Variants in HIPK2 observed in about 807,000 individuals in gnomAD.
The protein encoded by HIPK2 is homeodomain interacting protein kinase 2, also known as homeodomain-interacting protein kinase 2.
A neutral mutation model predicts 113.7 loss-of-function variants in HIPK2; 27 were observed. The observed-to-expected ratio is 0.24, with a 90% CI of 0.17 to 0.33. HIPK2 has a LOEUF of 0.33. HIPK2 is among the 10% of genes least tolerant of loss of function. The pLI, the probability that HIPK2 is intolerant of heterozygous loss-of-function variation, is 1.00. For synonymous variants in HIPK2, 631 were observed against 642.2 expected, an observed-to-expected ratio of 0.98 and a Z score of 0.26; for missense variants, 1,257 against 1,588.0, an observed-to-expected ratio of 0.79 and a Z score of 3.54.
intron 2 of HIPK2, among the ~76,000 whole-genome samples, chr7:139,682,279 T>C (rs1375895865): frequency 6.6e-6 from 1 of 152,136 alleles, no homozygotes; most frequent in African/African-American, 2.4e-5. Flanking sequence ...AAACATCCAC[T>C]GAGAGCCCAT....
intron 12 of HIPK2, among the ~76,000 whole-genome samples, chr7:139,589,362 C>T (rs1292245790): frequency 6.6e-6 from 1 of 151,102 alleles, no homozygotes; most frequent in East Asian, 1.9e-4. Context: ...TCTTGCTGAT[C>T]ATATCTTCCT....
At chr7:139,627,335 T>TATGTATGTATGC (rs1554432124) in intron 5 of HIPK2, among the ~76,000 whole-genome samples, 6 of 151,256 alleles carry the variant, frequency 4.0e-5, no homozygotes, top group South Asian at 2.1e-4. Context: ...TGTATGTATG[T>TATGTATGTATGC]ATGCATGTAT....
At chr7:139,677,280 CAT>C (rs1491053199) in intron 2 of HIPK2, among the ~76,000 whole-genome samples, 1 of 141,948 alleles carries the variant, frequency 7.0e-6, no homozygotes, top group East Asian at 2.0e-4. Context: ...CACACACACA[CAT>C]ATATACACAT....
chr7:139,597,563 C>T (rs1236953884), intron 11 of HIPK2, among the ~76,000 whole-genome samples: 1 of 152,160 alleles, frequency 6.6e-6, no homozygotes, highest in African/African-American at 2.4e-5. Context: ...TTCCTTCTTT[C>T]CTCCTCTGGA....
Position 139,714,987 on chromosome 7 carries a change from G to A in HIPK2, c.1103+945C>T, listed in dbSNP as rs1795179336. Among the ~76,000 whole-genome samples the A allele has an allele frequency of 6.6e-6, 1 of 152,180 alleles. No individual in the cohort carries two copies. The highest frequency in any genetic ancestry group is 2.1e-4 in the South Asian group (1 of 4,830). ...AGGAAATGAAGGCATGGAGAAATCA[G>A]GCCATTAGGAGAGGAGGGACCAGGT... On this transcript the variant is annotated intron_variant, in intron 2 of 14. Coordinates refer to ENST00000406875, the MANE Select transcript of HIPK2 (RefSeq NM_022740.5). The surrounding 1 kb of genome is among the most constrained non-coding windows in gnomAD (Gnocchi z 4.2).
At chr7:139,700,029 G>A (rs1419885927) in intron 2 of HIPK2, among the ~76,000 whole-genome samples, 4 of 152,208 alleles carry the variant, frequency 2.6e-5, no homozygotes, top group African/African-American at 7.2e-5. Context: ...GCAGATATAC[G>A]ACGTCTGTGC....
rs111559786 is a variant in HIPK2, at chr7:139,630,439, C to G, written c.1347+726G>C. ...TTGAGACACAGTCTCACTCTGTCGCCCAGGCTGGAGTGCAGTGGCACAATC... is the reference window on the plus strand; with the variant it reads ...TTGAGACACAGTCTCACTCTGTCGCGCAGGCTGGAGTGCAGTGGCACAATC... On this transcript the variant is annotated intron_variant, in intron 4 of 14. Coordinates refer to ENST00000406875, the MANE Select transcript of HIPK2 (RefSeq NM_022740.5). The surrounding 1 kb of genome is among the most constrained non-coding windows in gnomAD (Gnocchi z 4.0). Among the ~76,000 whole-genome samples, 2,394 of 152,324 alleles carry G rather than the reference C, an allele frequency of 0.016. 19 individuals carry two copies. The highest frequency in any genetic ancestry group is 0.041 in the Middle Eastern group (12 of 294).
At chr7:139,643,682 T>C (rs1472606632) in intron 2 of HIPK2, among the ~76,000 whole-genome samples, 1 of 152,062 alleles carries the variant, frequency 6.6e-6, no homozygotes, top group East Asian at 1.9e-4. Context: ...ACCTAAACGA[T>C]ATTGACTTGA....
rs2116397129 is a variant in HIPK2 at position 139,566,451 on chromosome 7, G to A, written c.*6476C>T. 6.6e-6 allele frequency: 1 copy of A among 152,332 alleles called. No individual in the cohort carries two copies. The highest frequency in any genetic ancestry group is 6.5e-5 in the Admixed American group (1 of 15,308). 9.4% of individuals were successfully genotyped at this position (152,332 alleles called of 1,614,324 possible). A position where few individuals can be genotyped will look rare whatever the true frequency, so the allele number is the denominator to read the frequency against. The stretch of plus-strand genomic sequence containing the variant: ...ACAGTGTGTGGCATGCAGGAAGCGG[G>A]AGTATCACTAAATGGTTCATAGAAA... On this transcript the variant is annotated 3_prime_UTR_variant, in exon 15 of 15. Coordinates refer to ENST00000406875, the MANE Select transcript of HIPK2 (RefSeq NM_022740.5). This position sits in a 1 kb window ranked among gnomAD's most constrained non-coding sequence, Gnocchi z 4.1.
intron 1 of HIPK2, among the ~76,000 whole-genome samples, chr7:139,739,814 T>A (rs1030329437): frequency 1.3e-5 from 2 of 152,220 alleles, no homozygotes; most frequent in African/African-American, 4.8e-5. Context: ...TCACACAATA[T>A]GTATATGTCC....
chr7:139,759,204 A>G (rs1157145633), intron 1 of HIPK2, among the ~76,000 whole-genome samples: 1 of 152,258 alleles, frequency 6.6e-6, no homozygotes, highest in African/African-American at 2.4e-5. Flanking sequence ...AACCTTACTT[A>G]TAATAACAGA....
rs542772413 is a variant in HIPK2 at position 139,630,548 on chromosome 7, C to T, written c.1347+617G>A. ...GAGTAGGTGGGATTACAGGAGCATG[C>T]CACCACGCCCAGCTAATTTTTATAC... On this transcript the variant is annotated intron_variant, in intron 4 of 14. Transcript: ENST00000406875. The surrounding 1 kb of genome is among the most constrained non-coding windows in gnomAD (Gnocchi z 4.0). 4.7e-4 allele frequency among the ~76,000 whole-genome samples: 72 copies of T among 152,332 alleles called. No homozygotes were observed. Among genetic ancestry groups the T allele is most frequent in the Admixed American group, 2.2e-3 (34 of 15,302 alleles).
intron 2 of HIPK2, 103 bp downstream of exon 2, chr7:139,715,829 T>C (rs1370730310): frequency 6.9e-7 from 1 of 1,459,638 alleles, no homozygotes; most frequent in Non-Finnish European, 9.2e-7. Context: ...AGGCAGGAAC[T>C]GTAGACATAT....
rs372950682 is a variant in HIPK2 at position 139,626,718 on chromosome 7, A to G, written c.1502T>C (p.Ile501Thr). 9.3e-6 allele frequency: 15 copies of G among 1,613,812 alleles called. 1 individual carries two copies. The South Asian group carries it at 1.5e-4, about 17-fold the overall frequency. The change falls in exon 6 of 15, where the codon ATT becomes ACT. Residue 501 changes from isoleucine (I) to threonine (T), a missense_variant. Ile to Thr is a moderately conservative substitution (Grantham distance 89). Coordinates refer to ENST00000406875, the MANE Select transcript of HIPK2 (RefSeq NM_022740.5). ...LVEKADRREF[I>T]DLLKKMLTID... is the part of the protein sequence containing the mutation. ...GGTCAGCATCTTCTTCAACAGGTCA[A>G]TGAACTCCCGCCGGTCAGCCTTTTC...
chr7:139,582,847 C>A (rs1299177427), intron 13 of HIPK2, among the ~76,000 whole-genome samples: 1 of 152,160 alleles, frequency 6.6e-6, no homozygotes, highest in Non-Finnish European at 1.5e-5. Context: ...GCCCTAATGA[C>A]CCCATCCTGC....
chr7:139,724,966 A>G (rs1023241750), intron 1 of HIPK2, among the ~76,000 whole-genome samples: 1 of 152,328 alleles, frequency 6.6e-6, no homozygotes, highest in East Asian at 1.9e-4. Context: ...TCTTTTGTCA[A>G]TAATGACAAT....
intron 2 of HIPK2, among the ~76,000 whole-genome samples, chr7:139,638,656 C>CTTTT (rs1184555180): frequency 9.2e-5 from 12 of 130,246 alleles, no homozygotes; most frequent in Middle Eastern, 3.9e-3. Context: ...AAATAATTGT[C>CTTTT]TTTTTTTTTT....
chr7:139,764,944 T>C (rs932145046), intron 1 of HIPK2, among the ~76,000 whole-genome samples: 13 of 152,188 alleles, frequency 8.5e-5, no homozygotes, highest in African/African-American at 3.1e-4. Flanking sequence ...GAGACCAGCC[T>C]GGCCAACATG....
At chr7:139,755,710 GC>G (rs1300862570) in intron 1 of HIPK2, among the ~76,000 whole-genome samples, 1 of 152,208 alleles carries the variant, frequency 6.6e-6, no homozygotes, top group African/African-American at 2.4e-5. Flanking sequence ...CCTTCACAAG[GC>G]ACTCATCTGG....
Sources: allele counts gnomAD v4.1 joint callset (sites outside exome capture counted in the v4.1 genomes callset), GRCh38; gene constraint gnomAD v4.1.1; non-coding constraint Gnocchi (gnomAD v3.1); transcripts MANE v1.5; gene names NCBI Gene and HGNC (gene_info 2026-07-23, HGNC 2026-07-21).